The following LUZP2 variants were observed in gnomAD, a reference collection of about 807,000 sequenced individuals.
LUZP2 encodes leucine zipper protein 2.
A neutral mutation model predicts 51.6 loss-of-function variants in LUZP2; 52 were observed. The observed-to-expected ratio is 1.01, with a 90% CI of 0.81 to 1.27. The LOEUF (loss-of-function observed/expected upper bound fraction) is 1.27. Among genes scored for constraint, LUZP2 ranks in the 50% most tolerant of loss-of-function variants. The pLI is 0.00. For missense variants in LUZP2, 436 were observed against 395.4 expected (o/e 1.10, Z -0.87); for synonymous variants, 154 against 137.3 (o/e 1.12, Z -0.85).
chr11:24,777,285 G>A (rs565620116), intron 5 of LUZP2, among the ~76,000 whole-genome samples: 5 of 152,058 alleles, frequency 3.3e-5, no homozygotes, highest in Admixed American at 6.6e-5. Context: ...GAGCCACCGC[G>A]CCCGGCCTGT....
chr11:24,783,828 A>C (rs1333405194), intron 5 of LUZP2, among the ~76,000 whole-genome samples: 1 of 152,016 alleles, frequency 6.6e-6, no homozygotes, highest in African/African-American at 2.4e-5. Context: ...ACAGTAGTGC[A>C]TGATACATAG....
chr11:24,750,620 C>A (rs1859543504), intron 4 of LUZP2, among the ~76,000 whole-genome samples: 1 of 152,034 alleles, frequency 6.6e-6, no homozygotes, highest in African/African-American at 2.4e-5. Flanking sequence ...GGAGTCATTC[C>A]TCAAGAAGGG....
chr11:24,843,563 G>A (rs1304880774), intron 5 of LUZP2, among the ~76,000 whole-genome samples: 6 of 152,036 alleles, frequency 3.9e-5, no homozygotes, highest in Non-Finnish European at 5.9e-5. Flanking sequence ...TAACCACAGT[G>A]GCATATTAAA....
chr11:24,542,645 GTC>G (rs1487455691), intron 1 of LUZP2, among the ~76,000 whole-genome samples: 1 of 151,888 alleles, frequency 6.6e-6, no homozygotes, highest in Admixed American at 6.6e-5. Context: ...TGGGGAAAAA[GTC>G]TTTATTTGAG....
intron 4 of LUZP2, among the ~76,000 whole-genome samples, chr11:24,759,355 T>C (rs1412898324): frequency 1.3e-5 from 2 of 152,198 alleles, no homozygotes; most frequent in African/African-American, 4.8e-5. Context: ...GGAATGCTTA[T>C]TCTTTCATGG....
At chr11:24,741,667 T>C (rs1326597470) in intron 4 of LUZP2, among the ~76,000 whole-genome samples, 2 of 151,280 alleles carry the variant, frequency 1.3e-5, no homozygotes, top group Non-Finnish European at 2.9e-5. Context: ...ATACAGTGTT[T>C]CGTTTTCCAT....
At chr11:24,602,297 CATACATATAT>C (rs1853750030) in intron 1 of LUZP2, among the ~76,000 whole-genome samples, 1 of 112,618 alleles carries the variant, frequency 8.9e-6, no homozygotes, top group African/African-American at 3.3e-5. Context: ...TATATATGTA[CATACATATAT>C]ACACACATAT....
At chr11:24,647,291 T>A (rs1002919447) in intron 1 of LUZP2, among the ~76,000 whole-genome samples, 1 of 151,936 alleles carries the variant, frequency 6.6e-6, no homozygotes, top group African/African-American at 2.4e-5. Context: ...GCTGTTTTTT[T>A]TAAATTGGTA....
chr11:24,498,463 G>C (rs1209821136), intron 1 of LUZP2, among the ~76,000 whole-genome samples: 1 of 152,126 alleles, frequency 6.6e-6, no homozygotes. Flanking sequence ...TTTTAGTGTA[G>C]AGACTATTTC....
At chr11:25,000,166 T>G (rs1856640401) in intron 9 of LUZP2, among the ~76,000 whole-genome samples, 1 of 152,148 alleles carries the variant, frequency 6.6e-6, no homozygotes, top group Non-Finnish European at 1.5e-5. Flanking sequence ...CTGATCGGTG[T>G]GTTTACAAAC....
chr11:24,925,164 A>G (rs1013315310), intron 7 of LUZP2, among the ~76,000 whole-genome samples: 1 of 152,188 alleles, frequency 6.6e-6, no homozygotes, highest in Non-Finnish European at 1.5e-5. Flanking sequence ...TCATGTTGGT[A>G]TCTCTTATTG....
At chr11:24,657,283 A>G (rs755835982) in intron 1 of LUZP2, among the ~76,000 whole-genome samples, 2 of 152,206 alleles carry the variant, frequency 1.3e-5, no homozygotes, top group South Asian at 2.1e-4. Context: ...TATATATTAA[A>G]TGTGGATTAT....
At chr11:24,543,135 G>T (rs1851432724) in intron 1 of LUZP2, among the ~76,000 whole-genome samples, 1 of 151,726 alleles carries the variant, frequency 6.6e-6, no homozygotes, top group African/African-American at 2.4e-5. Context: ...TTTAATTGTA[G>T]GACAGATAAT....
intron 1 of LUZP2, among the ~76,000 whole-genome samples, chr11:24,723,953 A>G (rs965115477): frequency 6.6e-6 from 1 of 152,224 alleles, no homozygotes; most frequent in Non-Finnish European, 1.5e-5. Context: ...TTTGATGTAT[A>G]TGATTTATAT....
At chr11:24,947,988 G>A (rs1565145869) in intron 7 of LUZP2, among the ~76,000 whole-genome samples, 1 of 151,848 alleles carries the variant, frequency 6.6e-6, no homozygotes, top group East Asian at 1.9e-4. Flanking sequence ...TTGGATATGT[G>A]TGAATTTTTC....
intron 1 of LUZP2, among the ~76,000 whole-genome samples, chr11:24,602,181 T>C (rs954587197): frequency 2.3e-4 from 30 of 128,372 alleles, no homozygotes; most frequent in African/African-American, 7.4e-4. Context: ...TATATATGTG[T>C]ATATATGTAT....
intron 1 of LUZP2, among the ~76,000 whole-genome samples, chr11:24,654,748 C>G (rs1855748373): frequency 6.7e-6 from 1 of 149,908 alleles, no homozygotes; most frequent in Admixed American, 6.8e-5. Flanking sequence ...TGGTCTTGAG[C>G]TTCTGGCCTT....
intron 9 of LUZP2, among the ~76,000 whole-genome samples, chr11:25,044,608 G>A (rs988935515): frequency 6.6e-6 from 1 of 152,052 alleles, no homozygotes; most frequent in African/African-American, 2.4e-5. Context: ...AGTAATTAAT[G>A]GTGGGACTGT....
chr11:24,880,705 C>A (rs144037431), intron 5 of LUZP2, among the ~76,000 whole-genome samples: 1 of 151,830 alleles, frequency 6.6e-6, no homozygotes, highest in Admixed American at 6.6e-5. Context: ...ATTCTCTACA[C>A]GTGTTAGATT....
Sources: gnomAD v4.1 joint callset for allele counts (sites outside exome capture counted in the v4.1 genomes callset) on GRCh38, gnomAD v4.1.1 for gene constraint, MANE v1.5 for transcripts, NCBI Gene and HGNC (gene_info 2026-07-23, HGNC 2026-07-21) for gene names.